MOSMO: variants seen among roughly 807,000 people sequenced by gnomAD.
The protein encoded by MOSMO is modulator of smoothened protein.
A neutral mutation model predicts 18.4 loss-of-function variants in MOSMO; 5 were observed. The observed-to-expected ratio is 0.27, with a 90% CI of 0.14 to 0.57. MOSMO has a LOEUF of 0.57. Ranked by LOEUF, MOSMO falls within the 20% of genes least tolerant of loss-of-function variation. The pLI is 0.92. For synonymous variants in MOSMO, 82 were observed against 82.3 expected, an observed-to-expected ratio of 1.00 and a Z score of 0.02; for missense variants, 138 against 211.8, an observed-to-expected ratio of 0.65 and a Z score of 2.16.
At position 22,028,404 on chromosome 16, in the gene MOSMO, G is replaced by A. The variant is rs375248229; in HGVS notation, c.106+19997G>A. Among the ~76,000 whole-genome samples the A allele has an allele frequency of 4.3e-3, 649 of 149,656 alleles. 7 individuals carry two copies. Among genetic ancestry groups the A allele is most frequent in the African/African-American group, 0.015 (619 of 40,632 alleles). ...TTAATTTTGATAAAATATGCATAAC[G>A]AAATTTACCATCTTAACCATTTTTA... On this transcript the variant is annotated intron_variant, in intron 1 of 2. Coordinates refer to ENST00000542527, the MANE Select transcript of MOSMO (RefSeq NM_001164579.2).
intron 1 of MOSMO, among the ~76,000 whole-genome samples, chr16:22,015,522 G>GT (rs1899619920): frequency 6.6e-6 from 1 of 152,050 alleles, no homozygotes; most frequent in Non-Finnish European, 1.5e-5. Flanking sequence ...GATTAAAGAT[G>GT]TTTTTTAAAT....
intron 1 of MOSMO, among the ~76,000 whole-genome samples, chr16:22,044,955 T>C (rs1312882413): frequency 6.6e-6 from 1 of 151,748 alleles, no homozygotes; most frequent in Non-Finnish European, 1.5e-5. Flanking sequence ...GTGGGCAGAT[T>C]GCTTGAGTTC....
Position 22,016,083 on chromosome 16 carries a change from T to C in MOSMO, c.106+7676T>C, listed in dbSNP as rs1395084631. ...TGTGACCAAAAACATCATTGTTTAA[T>C]CCCTTTCCTGGTAAATACTGAGTTT... On this transcript the variant is annotated intron_variant, in intron 1 of 2. Coordinates refer to ENST00000542527, the MANE Select transcript of MOSMO (RefSeq NM_001164579.2). 2.6e-5 allele frequency among the ~76,000 whole-genome samples: 4 copies of C among 152,226 alleles called. No individual in the cohort carries two copies. The South Asian group carries it at 8.3e-4, about 31-fold the overall frequency.
At chr16:22,075,967 G>A in intron 2 of MOSMO, 1 of 345,302 alleles carries the variant, frequency 2.9e-6, no homozygotes, top group South Asian at 2.8e-5. Flanking sequence ...AGTGTTCCAG[G>A]TTTGTGACTC....
chr16:22,087,570 AAAG>A (rs1437414165), downstream of MOSMO: 1 of 152,242 alleles, frequency 6.6e-6, no homozygotes, highest in Non-Finnish European at 1.5e-5. Context: ...TGACAAATGC[AAAG>A]AAGTTGAAGA....
intron 1 of MOSMO, among the ~76,000 whole-genome samples, chr16:22,031,462 A>T (rs1899992465): frequency 6.6e-6 from 1 of 152,232 alleles, no homozygotes. Context: ...TCATCACCAC[A>T]GTTGATTTTA....
chr16:22,036,672 A>G (rs977166466), intron 1 of MOSMO, among the ~76,000 whole-genome samples: 1 of 152,128 alleles, frequency 6.6e-6, no homozygotes. Context: ...ATCTCCAGCT[A>G]CTGGCATCAA....
chr16:22,037,915 G>T (rs1900138763), intron 1 of MOSMO, among the ~76,000 whole-genome samples: 1 of 152,144 alleles, frequency 6.6e-6, no homozygotes, highest in African/African-American at 2.4e-5. Context: ...ACATAGGCAT[G>T]ATTGATTAAA....
chr16:22,047,695 G>A (rs1491000489), intron 1 of MOSMO, among the ~76,000 whole-genome samples: 1 of 152,126 alleles, frequency 6.6e-6, no homozygotes, highest in African/African-American at 2.4e-5. Flanking sequence ...AAATTGCTAA[G>A]CTGAAAGGTG....
chr16:22,072,608 G>C (rs1033799552), intron 1 of MOSMO, among the ~76,000 whole-genome samples: 5 of 152,070 alleles, frequency 3.3e-5, no homozygotes, highest in African/African-American at 1.2e-4. Flanking sequence ...TCAGGAGATC[G>C]AGACGATCTT....
chr16:22,044,706 G>C (rs972127310), intron 1 of MOSMO, among the ~76,000 whole-genome samples: 1 of 152,160 alleles, frequency 6.6e-6, no homozygotes, highest in Non-Finnish European at 1.5e-5. Flanking sequence ...TAGGGAAAAA[G>C]ATAAGTAACT....
At chr16:22,032,152 T>C (rs1190167364) in intron 1 of MOSMO, among the ~76,000 whole-genome samples, 2 of 152,130 alleles carry the variant, frequency 1.3e-5, no homozygotes, top group Non-Finnish European at 2.9e-5. Context: ...CTGTATCTTC[T>C]TTGGATAAAA....
chr16:22,027,291 T>G (rs1331777554), intron 1 of MOSMO, among the ~76,000 whole-genome samples: 1 of 152,224 alleles, frequency 6.6e-6, no homozygotes, highest in East Asian at 1.9e-4. Flanking sequence ...AATCAGTGTT[T>G]ATGAGACATC....
intron 1 of MOSMO, among the ~76,000 whole-genome samples, chr16:22,048,498 T>A (rs917837481): frequency 1.3e-5 from 2 of 152,230 alleles, no homozygotes; most frequent in African/African-American, 4.8e-5. Context: ...TTTTGAAAAT[T>A]TGATGGCCCC....
chr16:22,011,799 T>A (rs1899534759), intron 1 of MOSMO, among the ~76,000 whole-genome samples: 1 of 152,150 alleles, frequency 6.6e-6, no homozygotes, highest in African/African-American at 2.4e-5. Context: ...CATGTATTTC[T>A]TACCTTACAT....
chr16:22,076,787 T>C (rs1196756341), intron 2 of MOSMO, among the ~76,000 whole-genome samples: 1 of 152,232 alleles, frequency 6.6e-6, no homozygotes, highest in Admixed American at 6.5e-5. Context: ...TTCATGAGCC[T>C]CTGTTTCTTC....
chr16:22,031,098 A>G (rs1050516191), intron 1 of MOSMO, among the ~76,000 whole-genome samples: 1 of 152,198 alleles, frequency 6.6e-6, no homozygotes, highest in Non-Finnish European at 1.5e-5. Flanking sequence ...GAAGGTTAGA[A>G]ACGACTACAT....
At chr16:22,055,589 A>G (rs1021317712) in intron 1 of MOSMO, among the ~76,000 whole-genome samples, 4 of 152,220 alleles carry the variant, frequency 2.6e-5, no homozygotes, top group Non-Finnish European at 5.9e-5. Context: ...GGCAAATACA[A>G]GTGACACCAT....
chr16:22,039,591 G>T (rs1313175735), intron 1 of MOSMO, among the ~76,000 whole-genome samples: 2 of 152,176 alleles, frequency 1.3e-5, no homozygotes, highest in African/African-American at 2.4e-5. Context: ...TAGCACTTTG[G>T]GGGGCCAAGG....
Sources: allele counts gnomAD v4.1 joint callset (sites outside exome capture counted in the v4.1 genomes callset), GRCh38; gene constraint gnomAD v4.1.1; transcripts MANE v1.5; gene names NCBI Gene and HGNC (gene_info 2026-07-23, HGNC 2026-07-21).